CNTN4: variants seen among roughly 807,000 people sequenced by gnomAD.
CNTN4 encodes contactin 4.
CNTN4 carries 77 observed loss-of-function variants against 122.5 expected under a neutral mutation model. That is an observed-to-expected ratio of 0.63 (90% CI 0.52 to 0.76). CNTN4 has a LOEUF of 0.76. Ranked by LOEUF, CNTN4 falls within the 30% of genes least tolerant of loss-of-function variation. The probability of loss-of-function intolerance (pLI) is 0.00; values close to 1 mark genes in which losing one functional copy is unlikely to be tolerated. For missense variants in CNTN4, 1,256 were observed against 1,259.1 expected (o/e 1.00, Z 0.04); for synonymous variants, 512 against 447.0 (o/e 1.15, Z -1.83).
chr3:2,481,021 C>CT (rs778942482), intron 3 of CNTN4, among the ~76,000 whole-genome samples: 137 of 93,698 alleles, frequency 1.5e-3, no homozygotes, highest in Non-Finnish European at 2.8e-3. Context: ...TTCTTTCTTT[C>CT]TTTTCTTTTT....
At chr3:2,285,365 A>G (rs1029852823) in intron 2 of CNTN4, among the ~76,000 whole-genome samples, 1 of 152,110 alleles carries the variant, frequency 6.6e-6, no homozygotes, top group Admixed American at 6.6e-5. Flanking sequence ...CGACATTGCA[A>G]TTGCATATTA....
rs187067478 is a variant in CNTN4 at position 2,281,717 on chromosome 3, C to T, written c.-144-57461C>T. Among the ~76,000 whole-genome samples the T allele has an allele frequency of 2.6e-4, 39 of 152,012 alleles. No individual in the cohort carries two copies. In the East Asian group the frequency reaches 3.1e-3, roughly 12 times the overall value. On this transcript the variant is annotated intron_variant, in intron 2 of 24. Coordinates refer to ENST00000418658, the MANE Select transcript of CNTN4 (RefSeq NM_175607.3). Reference sequence around the variant, plus strand: ...AGCTTTTGGTATTGCTAGGTGTTTTCGGTTTTCTTCTTACCTTTTTGTTTA... The same window carrying T: ...AGCTTTTGGTATTGCTAGGTGTTTTTGGTTTTCTTCTTACCTTTTTGTTTA...
At chr3:2,785,146 T>G (rs1422484120) in intron 6 of CNTN4, among the ~76,000 whole-genome samples, 7 of 150,920 alleles carry the variant, frequency 4.6e-5, no homozygotes, top group African/African-American at 9.8e-5. Flanking sequence ...CACATATATA[T>G]AGAGAGAGAG....
At chr3:2,790,267 C>G (rs1414633469) in intron 6 of CNTN4, among the ~76,000 whole-genome samples, 1 of 152,066 alleles carries the variant, frequency 6.6e-6, no homozygotes, top group African/African-American at 2.4e-5. Flanking sequence ...GTATTTGGGG[C>G]CATGTAAAGG....
At chr3:2,691,256 T>C (rs2085723249) in intron 4 of CNTN4, among the ~76,000 whole-genome samples, 2 of 152,172 alleles carry the variant, frequency 1.3e-5, no homozygotes, top group Non-Finnish European at 2.9e-5. Context: ...TTGATCATAT[T>C]ATAAACCACC....
intron 13 of CNTN4, among the ~76,000 whole-genome samples, chr3:2,946,728 G>T (rs2094683371): frequency 8.5e-6 from 1 of 118,096 alleles, no homozygotes; most frequent in Non-Finnish European, 1.7e-5. Context: ...TTTTGAGACA[G>T]AGTCTCACTG....
At chr3:2,291,549 G>A (rs948452691) in intron 2 of CNTN4, among the ~76,000 whole-genome samples, 7 of 151,916 alleles carry the variant, frequency 4.6e-5, no homozygotes, top group African/African-American at 1.5e-4. Context: ...ATGCATGCTA[G>A]CTTTTTTCCC....
At chr3:2,230,949 C>G (rs2039462249) in intron 2 of CNTN4, among the ~76,000 whole-genome samples, 2 of 152,098 alleles carry the variant, frequency 1.3e-5, no homozygotes, top group Admixed American at 1.3e-4. Flanking sequence ...GATCATGCCA[C>G]TGCACTCCAG....
At chr3:2,120,374 A>AAATATATAT (rs2033653616) in intron 2 of CNTN4, among the ~76,000 whole-genome samples, 2 of 59,084 alleles carry the variant, frequency 3.4e-5, no homozygotes, top group Non-Finnish European at 3.2e-5. Flanking sequence ...TATATATATA[A>AAATATATAT]ATATATATAT....
chr3:2,394,219 A>G (rs1396145780), intron 3 of CNTN4, among the ~76,000 whole-genome samples: 1 of 152,042 alleles, frequency 6.6e-6, no homozygotes, highest in Non-Finnish European at 1.5e-5. Flanking sequence ...ATCAATCCAG[A>G]GTAAAGGAAG....
intron 3 of CNTN4, among the ~76,000 whole-genome samples, chr3:2,432,712 T>G (rs1480884113): frequency 6.6e-6 from 1 of 152,138 alleles, no homozygotes. Flanking sequence ...CTTTATCCAT[T>G]TATGTGATAA....
At chr3:2,463,579 G>A (rs530770313) in intron 3 of CNTN4, among the ~76,000 whole-genome samples, 86 of 152,212 alleles carry the variant, frequency 5.7e-4, no homozygotes, top group Admixed American at 1.7e-3. Flanking sequence ...GGGCAACATG[G>A]TGAAACCCCA....
intron 3 of CNTN4, among the ~76,000 whole-genome samples, chr3:2,407,556 G>A (rs1459824472): frequency 6.6e-6 from 1 of 151,974 alleles, no homozygotes; most frequent in African/African-American, 2.4e-5. Context: ...CACTGGAGAG[G>A]GATTTGGGTG....
chr3:3,044,750 C>T (rs931243725), intron 23 of CNTN4, among the ~76,000 whole-genome samples: 8 of 152,146 alleles, frequency 5.3e-5, no homozygotes, highest in East Asian at 3.9e-4. Flanking sequence ...TGGGGCTTGT[C>T]GGACAGTGGG....
intron 3 of CNTN4, among the ~76,000 whole-genome samples, chr3:2,356,667 C>T (rs192537391): frequency 4.6e-5 from 7 of 152,280 alleles, no homozygotes; most frequent in Non-Finnish European, 1.0e-4. Context: ...GAATGCCCAA[C>T]CTCCTGGGAA....
At chr3:2,405,133 T>G (rs1353453804) in intron 3 of CNTN4, among the ~76,000 whole-genome samples, 3 of 152,212 alleles carry the variant, frequency 2.0e-5, no homozygotes, top group African/African-American at 7.2e-5. Flanking sequence ...TCCCAATGTA[T>G]GAATCCTATG....
intron 4 of CNTN4, among the ~76,000 whole-genome samples, chr3:2,629,111 C>T (rs2082316847): frequency 6.6e-6 from 1 of 152,104 alleles, no homozygotes; most frequent in Non-Finnish European, 1.5e-5. Context: ...GCCTTAACCC[C>T]CAAATGTGAC....
rs550476612 is a variant in CNTN4, at chr3:2,143,591, T to A, written c.-145+42952T>A. The stretch of plus-strand genomic sequence containing the variant: ...TCAATGTCTAAATTCTTGCTCCTCT[T>A]ATTATACCATTCTACTAATTTATCA... On this transcript the variant is annotated intron_variant, in intron 2 of 24. Transcript: ENST00000418658. Among the ~76,000 whole-genome samples the A allele has an allele frequency of 2.0e-5, 3 of 152,344 alleles. No homozygotes were observed. The East Asian group carries it at 5.8e-4, about 29-fold the overall frequency.
chr3:2,109,914 A>C (rs1245266217), intron 2 of CNTN4, among the ~76,000 whole-genome samples: 5 of 152,242 alleles, frequency 3.3e-5, no homozygotes, highest in African/African-American at 1.2e-4. Flanking sequence ...GAAAGTGATT[A>C]CTTAAGTTGC....
Sources: gnomAD v4.1 joint callset for allele counts (sites outside exome capture counted in the v4.1 genomes callset) on GRCh38, gnomAD v4.1.1 for gene constraint, MANE v1.5 for transcripts, NCBI Gene and HGNC (gene_info 2026-07-23, HGNC 2026-07-21) for gene names.